FSTL4: variants seen among roughly 807,000 people sequenced by gnomAD.
The protein encoded by FSTL4 is follistatin-related protein 4.
FSTL4 carries 28 observed loss-of-function variants against 78.2 expected under a neutral mutation model. That is an observed-to-expected ratio of 0.36 (90% CI 0.27 to 0.49). The LOEUF (loss-of-function observed/expected upper bound fraction) is 0.49. Ranked by LOEUF, FSTL4 falls within the 20% of genes least tolerant of loss-of-function variation. The pLI is 0.98. For synonymous variants in FSTL4, 422 were observed against 440.5 expected, an observed-to-expected ratio of 0.96 and a Z score of 0.53; for missense variants, 922 against 1,084.9, an observed-to-expected ratio of 0.85 and a Z score of 2.11.
In FSTL4 at chr5:133,316,507, G is replaced by T. The variant is rs1422192717; in HGVS notation, c.555C>A (p.Asp185Glu). The change falls in exon 5 of 16, where the codon GAC (aspartate) becomes GAA (glutamate). Residue 185 changes from aspartate (D) to glutamate (E), a missense_variant. Coordinates refer to ENST00000265342, the MANE Select transcript of FSTL4 (RefSeq NM_015082.2). ...KRLLVESLFR[D>E]LDADGNGHLS... ...GGTGGCCATTGCCATCTGCATCTAAGTCCCTGAACAGAGATTCCACCAGGA... is the reference window on the plus strand; with the variant it reads ...GGTGGCCATTGCCATCTGCATCTAATTCCCTGAACAGAGATTCCACCAGGA... 6.2e-7 allele frequency: 1 copy of T among 1,614,150 alleles called. No homozygotes were observed.
At chr5:133,650,173 A>T in the FSTL4 span, among the ~76,000 whole-genome samples, 1 of 151,718 alleles carries the variant, frequency 6.6e-6, no homozygotes, top group Non-Finnish European at 1.5e-5. Flanking sequence ...TTACCCCAAG[A>T]GAGGGCATTA....
chr5:133,598,273 C>A (rs1449183112), intron 2 of FSTL4, among the ~76,000 whole-genome samples: 1 of 151,976 alleles, frequency 6.6e-6, no homozygotes, highest in Non-Finnish European at 1.5e-5. Flanking sequence ...TCCCAGTGTC[C>A]CCCAGGATCT....
At chr5:133,549,865 T>C (rs1200345629) in intron 3 of FSTL4, among the ~76,000 whole-genome samples, 1 of 152,212 alleles carries the variant, frequency 6.6e-6, no homozygotes, top group Non-Finnish European at 1.5e-5. Flanking sequence ...AGGCAGGCAA[T>C]TTTCTTCACA....
chr5:133,578,823 TTAAACA>T (rs1235795567), intron 2 of FSTL4, among the ~76,000 whole-genome samples: 1 of 152,222 alleles, frequency 6.6e-6, no homozygotes, highest in African/African-American at 2.4e-5. Flanking sequence ...CTGCTCCTTG[TTAAACA>T]TAATCGCCTG....
At chr5:133,409,261 C>T (rs916374973) in intron 3 of FSTL4, among the ~76,000 whole-genome samples, 10 of 152,130 alleles carry the variant, frequency 6.6e-5, no homozygotes, top group Admixed American at 3.9e-4. Flanking sequence ...TCACCAGGGC[C>T]GCTGGCCTGC....
chr5:133,328,984 CTGTG>C (rs1161285091), intron 4 of FSTL4, among the ~76,000 whole-genome samples: 1 of 152,206 alleles, frequency 6.6e-6, no homozygotes, highest in Non-Finnish European at 1.5e-5. Context: ...GCTTGAGCTA[CTGTG>C]GCCTTTGAGT....
chr5:133,754,840 C>A, the FSTL4 span, among the ~76,000 whole-genome samples: 8,494 of 152,208 alleles, frequency 0.056, 303 homozygotes, highest in East Asian at 0.12. Context: ...GACAGACATT[C>A]CTGGACACCA....
intron 6 of FSTL4, among the ~76,000 whole-genome samples, chr5:133,310,215 T>C (rs558386690): frequency 1.3e-5 from 2 of 152,332 alleles, no homozygotes; most frequent in East Asian, 3.9e-4. Context: ...TTTTATTGCA[T>C]ATCTATTATT....
the FSTL4 span, among the ~76,000 whole-genome samples, chr5:133,618,848 A>G: frequency 7.9e-5 from 12 of 152,344 alleles, no homozygotes; most frequent in Admixed American, 7.2e-4. Flanking sequence ...TTTACGTACT[A>G]CAAATAGGTG....
the FSTL4 span, among the ~76,000 whole-genome samples, chr5:133,766,777 C>T: frequency 7.6e-4 from 116 of 152,300 alleles, no homozygotes; most frequent in African/African-American, 2.7e-3. Context: ...GGCCTCATTC[C>T]TACCGATGAG....
the FSTL4 span, among the ~76,000 whole-genome samples, chr5:133,734,096 C>T: frequency 6.6e-6 from 1 of 152,204 alleles, no homozygotes; most frequent in Non-Finnish European, 1.5e-5. Flanking sequence ...GCCTTATTCT[C>T]TGATAAAAGA....
intron 6 of FSTL4, among the ~76,000 whole-genome samples, chr5:133,254,173 G>T (rs1476369157): frequency 2.6e-5 from 4 of 152,228 alleles, no homozygotes; most frequent in Non-Finnish European, 5.9e-5. Flanking sequence ...TCCCACAATG[G>T]GAAATCTAAG....
intron 3 of FSTL4, chr5:133,427,829 G>A (rs1756857094): frequency 2.6e-6 from 1 of 391,918 alleles, no homozygotes. Context: ...CTGGCCATGT[G>A]GCTCCAGAGA....
At position 133,352,041 on chromosome 5, in the gene FSTL4, T is replaced by C. The variant is rs556944373; in HGVS notation, c.410-35389A>G. ...GCTTTAAATATTTTATTTTGCTTTT[T>C]TTTGTTGTTCTCAACTTTTTAGAAT... On this transcript the variant is annotated intron_variant, in intron 4 of 15. Coordinates refer to ENST00000265342, the MANE Select transcript of FSTL4 (RefSeq NM_015082.2). 3.3e-5 allele frequency among the ~76,000 whole-genome samples: 5 copies of C among 152,188 alleles called. No homozygotes were observed. The South Asian group carries it at 8.3e-4, about 25-fold the overall frequency.
At chr5:133,364,875 G>A (rs370843049) in intron 4 of FSTL4, among the ~76,000 whole-genome samples, 1 of 151,820 alleles carries the variant, frequency 6.6e-6, no homozygotes, top group Non-Finnish European at 1.5e-5. Flanking sequence ...TCTTTATCTT[G>A]GCTTAATCAG....
At chr5:133,250,689 G>A (rs541763340) in intron 6 of FSTL4, among the ~76,000 whole-genome samples, 92 of 152,348 alleles carry the variant, frequency 6.0e-4, no homozygotes, top group African/African-American at 2.1e-3. Flanking sequence ...CCTCTTGCCC[G>A]TGTGTGTGGG....
chr5:133,250,039 G>A (rs766971393), intron 6 of FSTL4, among the ~76,000 whole-genome samples: 5 of 152,358 alleles, frequency 3.3e-5, no homozygotes, highest in South Asian at 2.1e-4. Context: ...TAAAGGTTGC[G>A]CTGTCTGAAG....
chr5:133,801,627 G>A, the FSTL4 span, among the ~76,000 whole-genome samples: 3 of 152,256 alleles, frequency 2.0e-5, no homozygotes, highest in Admixed American at 2.0e-4. Flanking sequence ...AACCACAGCG[G>A]TGTCCCCGCC....
the FSTL4 span, among the ~76,000 whole-genome samples, chr5:133,815,684 G>A: frequency 1.7e-4 from 26 of 152,098 alleles, no homozygotes; most frequent in Non-Finnish European, 4.4e-5. Context: ...GTACGGTTTG[G>A]GAATCGTATT....
Sources: allele counts gnomAD v4.1 joint callset (sites outside exome capture counted in the v4.1 genomes callset), GRCh38; gene constraint gnomAD v4.1.1; transcripts MANE v1.5; gene names NCBI Gene and HGNC (gene_info 2026-07-23, HGNC 2026-07-21).